The following CERS6 variants were observed in gnomAD, a reference collection of about 807,000 sequenced individuals.
The protein encoded by CERS6 is ceramide synthase 6.
CERS6 carries 26 observed loss-of-function variants against 56.8 expected under a neutral mutation model. The observed-to-expected ratio is 0.46, with a 90% CI of 0.34 to 0.63. CERS6 has a LOEUF of 0.63. CERS6 is among the 30% of genes least tolerant of loss of function. The pLI is 0.01. For missense variants in CERS6, 415 were observed against 467.5 expected, an observed-to-expected ratio of 0.89 and a Z score of 1.04; for synonymous variants, 164 against 173.3, an observed-to-expected ratio of 0.95 and a Z score of 0.42.
Position 168,561,257 on chromosome 2 carries a change from G to C in CERS6, c.342G>C (p.Gln114His), listed in dbSNP as rs1695781189. The change falls in exon 3 of 10, where the codon CAG becomes CAC. Residue 114 changes from glutamine to histidine, a missense_variant. Transcript: ENST00000305747. ...TGGACTGGGATGTTCGAAGCATTCA[G>C]CGCTGGTTTCGACAAAGACGCAATC... ...KQLDWDVRSI[Q>H]RWFRQRRNQE... is the part of the protein sequence containing the mutation. 5.6e-6 allele frequency: 9 copies of C among 1,614,138 alleles called. No homozygotes were observed. The highest frequency in any genetic ancestry group is 7.6e-6 in the Non-Finnish European group (9 of 1,179,986).
At chr2:168,670,980 C>G (rs992135095) in intron 4 of CERS6, among the ~76,000 whole-genome samples, 3 of 82,232 alleles carry the variant, frequency 3.6e-5, no homozygotes, top group Admixed American at 2.1e-4. Flanking sequence ...CCCCCCCCCC[C>G]AGACGGAAGC....
intron 4 of CERS6, among the ~76,000 whole-genome samples, chr2:168,660,137 A>G (rs1465940166): frequency 1.3e-5 from 2 of 152,210 alleles, no homozygotes; most frequent in Admixed American, 6.5e-5. Flanking sequence ...ACTCAGCACA[A>G]CGTTCAACAG....
intron 6 of CERS6, among the ~76,000 whole-genome samples, chr2:168,698,033 T>A (rs1380245986): frequency 6.6e-6 from 1 of 152,082 alleles, no homozygotes; most frequent in Non-Finnish European, 1.5e-5. Flanking sequence ...GACTCATGGC[T>A]GTAATCCCAG....
At chr2:168,556,242 G>A (rs958264957) in intron 2 of CERS6, among the ~76,000 whole-genome samples, 1 of 152,064 alleles carries the variant, frequency 6.6e-6, no homozygotes, top group Non-Finnish European at 1.5e-5. Context: ...ACCAAATTTT[G>A]TTGTTAATAT....
At chr2:168,471,153 T>C (rs530033567) in intron 1 of CERS6, among the ~76,000 whole-genome samples, 1 of 152,338 alleles carries the variant, frequency 6.6e-6, no homozygotes, top group African/African-American at 2.4e-5. Context: ...CCTATTTGCC[T>C]AGTGCTTTCA....
At chr2:168,511,809 G>A (rs763711549) in intron 1 of CERS6, among the ~76,000 whole-genome samples, 2 of 152,128 alleles carry the variant, frequency 1.3e-5, no homozygotes, top group African/African-American at 2.4e-5. Context: ...TTTGACAAAT[G>A]CATTTAGTAG....
intron 3 of CERS6, among the ~76,000 whole-genome samples, chr2:168,591,120 G>A (rs182605210): frequency 1.3e-5 from 2 of 152,280 alleles, no homozygotes; most frequent in East Asian, 3.9e-4. Context: ...AAATGTCATA[G>A]GGCTGTAAAC....
At chr2:168,600,366 G>A (rs1364479438) in intron 3 of CERS6, among the ~76,000 whole-genome samples, 2 of 151,954 alleles carry the variant, frequency 1.3e-5, no homozygotes, top group Admixed American at 1.3e-4. Flanking sequence ...CACCACACCT[G>A]GCTAATTTTT....
At chr2:168,504,463 A>T (rs1694640341) in intron 1 of CERS6, among the ~76,000 whole-genome samples, 1 of 152,136 alleles carries the variant, frequency 6.6e-6, no homozygotes, top group Non-Finnish European at 1.5e-5. Flanking sequence ...AAAATGTGAG[A>T]AAAACAAGTG....
chr2:168,705,093 A>G (rs1348410449), intron 6 of CERS6, among the ~76,000 whole-genome samples: 5 of 152,210 alleles, frequency 3.3e-5, no homozygotes, highest in Non-Finnish European at 7.3e-5. Flanking sequence ...CTGGAGTCAC[A>G]CAACTGGATT....
At chr2:168,696,208 C>T (rs1686642522) in intron 6 of CERS6, among the ~76,000 whole-genome samples, 1 of 152,156 alleles carries the variant, frequency 6.6e-6, no homozygotes, top group African/African-American at 2.4e-5. Context: ...AATGATGAAA[C>T]TAAGCCTTAC....
rs116008169 is a variant in CERS6, at chr2:168,476,115, A to G, written c.170+19497A>G. 2.8e-3 allele frequency among the ~76,000 whole-genome samples: 419 copies of G among 152,308 alleles called. 2 individuals are homozygous for G. The highest frequency in any genetic ancestry group is 5.2e-3 in the Non-Finnish European group (357 of 68,018). On this transcript the variant is annotated intron_variant, in intron 1 of 9. Transcript: ENST00000305747. ...TCTGAGGTACAGAGAAAGAGTTGCA[A>G]AAGAGGTTAGCCTATCTTCTCAAAC...
intron 1 of CERS6, among the ~76,000 whole-genome samples, chr2:168,525,442 A>C (rs74426134): frequency 0.14 from 21,552 of 152,290 alleles, 1,927 homozygotes; most frequent in Non-Finnish European, 0.21. Flanking sequence ...AAAACACAAA[A>C]TCTGATTTGA....
In CERS6 at chr2:168,460,780, A is replaced by G. The variant is rs541949283; in HGVS notation, c.170+4162A>G. 2.0e-5 allele frequency among the ~76,000 whole-genome samples: 3 copies of G among 151,204 alleles called. No homozygotes were observed. The South Asian group carries it at 6.6e-4, about 33-fold the overall frequency. ...AGATTGGCTCTCAAAATGCTAGGCT[A>G]TGTGAGGAGTGTCATCCTTTGGGAG... On this transcript the variant is annotated intron_variant, in intron 1 of 9. Transcript: ENST00000305747.
chr2:168,763,492 C>A (rs1461289841), intron 8 of CERS6, among the ~76,000 whole-genome samples: 1 of 151,956 alleles, frequency 6.6e-6, no homozygotes, highest in Non-Finnish European at 1.5e-5. Flanking sequence ...GAACTCCTGA[C>A]CTCAGGTGAT....
At chr2:168,623,872 C>T (rs1009297052) in intron 3 of CERS6, among the ~76,000 whole-genome samples, 2 of 152,090 alleles carry the variant, frequency 1.3e-5, no homozygotes, top group African/African-American at 4.8e-5. Context: ...GTGTGAAAAA[C>T]GGGGACACCT....
chr2:168,535,787 C>T (rs144860782), intron 1 of CERS6, among the ~76,000 whole-genome samples: 47 of 143,364 alleles, frequency 3.3e-4, no homozygotes, highest in East Asian at 3.1e-3. Context: ...AATTAAACTT[C>T]GACATGAGAA....
intron 1 of CERS6, among the ~76,000 whole-genome samples, chr2:168,504,348 GT>G (rs1694637703): frequency 6.6e-6 from 1 of 151,890 alleles, no homozygotes; most frequent in Admixed American, 6.6e-5. Flanking sequence ...TCCAGTCTGG[GT>G]GACAGAGTGA....
At chr2:168,758,428 G>A (rs1249627530) in intron 8 of CERS6, among the ~76,000 whole-genome samples, 1 of 152,124 alleles carries the variant, frequency 6.6e-6, no homozygotes, top group Middle Eastern at 3.2e-3. Flanking sequence ...TTATTATTGT[G>A]GGTTTTTTTA....
Sources: gnomAD v4.1 joint callset for allele counts (sites outside exome capture counted in the v4.1 genomes callset) on GRCh38, gnomAD v4.1.1 for gene constraint, MANE v1.5 for transcripts, NCBI Gene and HGNC (gene_info 2026-07-23, HGNC 2026-07-21) for gene names.